The following CELSR2 variants were observed in gnomAD, a reference collection of about 807,000 sequenced individuals.
CELSR2 encodes cadherin EGF LAG seven-pass G-type receptor 2.
CELSR2 carries 81 observed loss-of-function variants against 251.6 expected under a neutral mutation model. That is an observed-to-expected ratio of 0.32 (90% CI 0.27 to 0.39). The LOEUF (loss-of-function observed/expected upper bound fraction) is 0.39. Among genes scored for constraint, CELSR2 ranks in the 10% least tolerant of loss-of-function variants. The pLI is 1.00. For missense variants in CELSR2, 3,365 were observed against 3,947.7 expected, an observed-to-expected ratio of 0.85 and a Z score of 3.96; for synonymous variants, 1,721 against 1,670.5, an observed-to-expected ratio of 1.03 and a Z score of -0.74.
Position 109,251,430 on chromosome 1 carries a change from G to T in CELSR2, c.1351G>T (p.Ala451Ser). ...TGCTCGGGGACAGTTTTATCTGGAT[G>T]CCCAGACTGGAGCTCTGGATGTGGT... ...GNARGQFYLD[A>S]QTGALDVVSP... Residue 451 changes from alanine (A) to serine (S), a missense_variant, in exon 1 of 34, where the codon GCC becomes TCC. Ala to Ser is a moderately conservative substitution (Grantham distance 99). This residue lies in a region of CELSR2 where 704 missense variants were observed against 784.1 expected (regional missense o/e 0.90). Coordinates refer to ENST00000271332, the MANE Select transcript of CELSR2 (RefSeq NM_001408.3). The surrounding 1 kb of genome is among the most constrained non-coding windows in gnomAD (Gnocchi z 4.9). 1 of 1,613,920 alleles carries T rather than the reference G, an allele frequency of 6.2e-7. No homozygotes were observed. The highest frequency in any genetic ancestry group is 8.5e-7 in the Non-Finnish European group (1 of 1,180,036).
At chr1:109,265,953 A>G in intron 14 of CELSR2, 35 bp downstream of exon 14, 1 of 1,600,752 alleles carries the variant, frequency 6.2e-7, no homozygotes, top group East Asian at 2.2e-5. Flanking sequence ...AGCCCTCCTT[A>G]CAGTGTGCTA....
In CELSR2 at chr1:109,272,877, C is replaced by T. The variant is rs1456639662; in HGVS notation, c.8188C>T (p.Gln2730Ter). The T allele has an allele frequency of 6.2e-7, 1 of 1,613,858 alleles. No homozygotes were observed. Among genetic ancestry groups the T allele is most frequent in the Non-Finnish European group, 8.5e-7 (1 of 1,179,976 alleles). Reference sequence around the variant, plus strand: ...CAGTGACCTGTCCTTAGAAGACGACCAGAGTGGCTCCTATGCCTCTACCCA... The same window carrying T: ...CAGTGACCTGTCCTTAGAAGACGACTAGAGTGGCTCCTATGCCTCTACCCA... ...SDSDLSLEDD[Q>*]SGSYASTHSS... The change falls in exon 31 of 34, where the codon CAG becomes TAG. Residue 2730 changes from glutamine to a stop codon, truncating the protein, a stop_gained. Coordinates refer to ENST00000271332, the MANE Select transcript of CELSR2 (RefSeq NM_001408.3). LOFTEE classifies it high-confidence loss of function.
rs916329209 is a variant in CELSR2, at chr1:109,263,967, G to A, written c.5002-111G>A. ...AAATAAATACGCTTTCCTCTCTATG[G>A]CCTCAGCTGGGCAGCGGGATGGGTT... On this transcript the variant is annotated intron_variant, in intron 9 of 33. Transcript: ENST00000271332. 12 of 1,437,546 alleles carry A rather than the reference G, an allele frequency of 8.3e-6. No individual in the cohort carries two copies. In the East Asian group the frequency reaches 2.8e-4, roughly 33 times the overall value. 89.0% of individuals were successfully genotyped at this position (1,437,546 alleles called of 1,614,324 possible).
chr1:109,267,516 T>C, intron 15 of CELSR2, 32 bp from the exon 16 acceptor site: 2 of 1,604,340 alleles, frequency 1.2e-6, no homozygotes, highest in Non-Finnish European at 1.7e-6. Context: ...TGTGTCTCCC[T>C]GAGGCCGGCC....
In CELSR2 at chr1:109,261,530, G is replaced by A. The variant is rs149106884; in HGVS notation, c.4199G>A (p.Arg1400His). ...TLALSFATKE[R>H]DGLLLYNGRF... is the part of the protein sequence containing the mutation. Reference sequence around the variant, plus strand: ...CTGTTCAGGTTTGCCACAAAGGAGCGCGACGGGTTGCTGTTGTACAATGGG... The same window carrying A: ...CTGTTCAGGTTTGCCACAAAGGAGCACGACGGGTTGCTGTTGTACAATGGG... The change falls in exon 4 of 34, where the codon CGC becomes CAC. Residue 1400 changes from arginine (R) to histidine (H), a missense_variant. Arg to His is a conservative substitution (Grantham distance 29). Transcript: ENST00000271332. The surrounding 1 kb of genome is among the most constrained non-coding windows in gnomAD (Gnocchi z 4.8). 138 of 1,614,166 alleles carry A rather than the reference G, an allele frequency of 8.5e-5. No homozygotes were observed. The African/African-American group carries it at 1.2e-3, about 14-fold the overall frequency.
Position 109,251,682 on chromosome 1 carries a change from G to A in CELSR2, c.1603G>A (p.Gly535Ser), listed in dbSNP as rs1655694508. The A allele has an allele frequency of 6.8e-6, 11 of 1,614,070 alleles. No individual in the cohort carries two copies. The highest frequency in any genetic ancestry group is 9.3e-6 in the Non-Finnish European group (11 of 1,180,022). The change falls in exon 1 of 34, where the codon GGT (glycine) becomes AGT (serine). Residue 535 changes from glycine to serine, a missense_variant. Gly to Ser is a moderately conservative substitution (Grantham distance 56, BLOSUM62 0). This residue lies in a region of CELSR2 where 704 missense variants were observed against 784.1 expected (regional missense o/e 0.90). Transcript: ENST00000271332. The surrounding 1 kb of genome is among the most constrained non-coding windows in gnomAD (Gnocchi z 4.9). The part of the protein sequence containing the change: ...LHVQAIDADA[G>S]DNARLEYRLA... Reference sequence around the variant, plus strand: ...TGTCCAGGCTATCGACGCTGATGCTGGTGACAATGCCCGCCTGGAATACCG... The same window carrying A: ...TGTCCAGGCTATCGACGCTGATGCTAGTGACAATGCCCGCCTGGAATACCG...
chr1:109,256,026 C>T (rs1241618456), intron 1 of CELSR2, among the ~76,000 whole-genome samples: 2 of 152,232 alleles, frequency 1.3e-5, no homozygotes, highest in African/African-American at 4.8e-5. Context: ...TGGTTGCCCC[C>T]TCTCCTCTCT....
Position 109,264,093 on chromosome 1 carries a change from G to A in CELSR2, c.5017G>A (p.Val1673Met), listed in dbSNP as rs1290982951. The A allele has an allele frequency of 7.6e-6, 12 of 1,583,396 alleles. No individual in the cohort carries two copies. The highest frequency in any genetic ancestry group is 2.3e-5 in the South Asian group (2 of 88,612). Residue 1673 changes from valine to methionine, a missense_variant, in exon 10 of 34, where the codon GTG becomes ATG. Physicochemically the swap from Val to Met is conservative, Grantham distance 21. Around this residue, in one of 5 missense-constraint regions of CELSR2, gnomAD observed 2,093 missense variants for 2,382.8 expected, o/e 0.88. Transcript: ENST00000271332. The part of the protein sequence containing the change: ...TITLQLREGH[V>M]MLSVEGTGLQ... ...CTGGTGTCAGCTACGAGAGGGCCAC[G>A]TGATGCTGAGCGTGGAGGGCACAGG... is the stretch of plus-strand genomic sequence containing the variant.
rs925322141 is a variant in CELSR2 at position 109,269,837 on chromosome 1, C to A, written c.7107+17C>A. 45 of 1,612,660 alleles carry A rather than the reference C, an allele frequency of 2.8e-5. No homozygotes were observed. The highest frequency in any genetic ancestry group is 3.6e-5 in the Non-Finnish European group (42 of 1,179,850). On this transcript the variant is annotated intron_variant, in intron 22 of 33. Coordinates refer to ENST00000271332, the MANE Select transcript of CELSR2 (RefSeq NM_001408.3). The surrounding 1 kb of genome is among the most constrained non-coding windows in gnomAD (Gnocchi z 6.4). The stretch of plus-strand genomic sequence containing the variant: ...CGGCGGGAGGTCGGGCCCACAGGGG[C>A]AGCTGCAGAGCCGTGGGTGGGCACC...
intron 2 of CELSR2, 118 bp from the exon 3 acceptor site, chr1:109,260,924 T>C: frequency 1.4e-6 from 1 of 703,978 alleles, no homozygotes; most frequent in Non-Finnish European, 2.4e-6. Context: ...CCTGGGAGGT[T>C]TGGGGAGTAT....
chr1:109,271,039 G>T lies in CELSR2; in HGVS notation c.7596G>T (p.Ser2532=). 1 of 1,611,866 alleles carries T rather than the reference G, an allele frequency of 6.2e-7. No individual in the cohort carries two copies. ...SFAGPVAFAV[S]MSVFLYILAA... ...CTGGCCCGGTGGCCTTTGCCGTCTC[G>T]GTGAGTGCTAGCAGGTGGGTTGGGT... The change falls in exon 25 of 34, where the codon TCG becomes TCT. Residue 2532 remains serine (S), a splice_region_variant and synonymous_variant. Transcript: ENST00000271332.
rs1219987387 is a variant in CELSR2 at position 109,263,524 on chromosome 1, C to CCCGTGCAG, written c.4835-83_4835-76dup. The CCCGTGCAG allele has an allele frequency of 1.2e-5, 18 of 1,537,924 alleles. No individual in the cohort carries two copies. The Admixed American group carries it at 2.0e-4, about 17-fold the overall frequency. On this transcript the variant is annotated intron_variant, in intron 8 of 33. Transcript: ENST00000271332. ...CTGATGAGGGGAGTGGGCTCTGCCTCCCGTGCAGCCGCCACCGCTGAGCAT... is the reference window on the plus strand; with the variant it reads ...CTGATGAGGGGAGTGGGCTCTGCCTCCCGTGCAGCCGTGCAGCCGCCACCGCTGAGCAT...
chr1:109,266,718 G>T (rs1656205568), intron 15 of CELSR2, among the ~76,000 whole-genome samples: 1 of 121,226 alleles, frequency 8.2e-6, no homozygotes, highest in Non-Finnish European at 1.7e-5. Context: ...ACCACATTTT[G>T]GACTTTTTTT....
Position 109,271,030 on chromosome 1 carries a change from T to C in CELSR2, c.7587T>C (p.Phe2529=). Residue 2529 remains phenylalanine (F), a synonymous_variant, in exon 25 of 34, where the codon TTT becomes TTC. Transcript: ENST00000271332. ...GGAGTTTTGCTGGCCCGGTGGCCTT[T>C]GCCGTCTCGGTGAGTGCTAGCAGGT... ...LIWSFAGPVA[F]AVSMSVFLYI... The C allele has an allele frequency of 6.2e-7, 1 of 1,613,400 alleles. No individual in the cohort carries two copies. The highest frequency in any genetic ancestry group is 8.5e-7 in the Non-Finnish European group (1 of 1,179,724).
In CELSR2 at chr1:109,251,113, G is replaced by A. The variant is rs773624411; in HGVS notation, c.1034G>A (p.Arg345His). Residue 345 changes from arginine (R) to histidine (H), a missense_variant, in exon 1 of 34, where the codon CGC becomes CAC. By Grantham distance (29) the Arg-to-His change is conservative (BLOSUM62 0). Coordinates refer to ENST00000271332, the MANE Select transcript of CELSR2 (RefSeq NM_001408.3). The surrounding 1 kb of genome is among the most constrained non-coding windows in gnomAD (Gnocchi z 4.9). Reference protein sequence around the residue: ...SPSEVFEIDPRSGVIRTRGPV... With the variant: ...SPSEVFEIDPHSGVIRTRGPV... The stretch of plus-strand genomic sequence containing the variant: ...TCTGAAGTCTTTGAGATCGACCCTC[G>A]CTCTGGGGTGATCCGAACCCGTGGC... The A allele has an allele frequency of 1.9e-5, 30 of 1,613,190 alleles. No homozygotes were observed. Among genetic ancestry groups the A allele is most frequent in the Non-Finnish European group, 2.5e-5 (29 of 1,179,890 alleles).
At chr1:109,256,511 A>G (rs1655852127) in intron 1 of CELSR2, among the ~76,000 whole-genome samples, 1 of 152,162 alleles carries the variant, frequency 6.6e-6, no homozygotes, top group Non-Finnish European at 1.5e-5. Flanking sequence ...AAGTAGGTAC[A>G]ACACAGATGC....
At chr1:109,262,475 G>A (rs1335247913) in intron 6 of CELSR2, 31 bp downstream of exon 6, 5 of 1,607,876 alleles carry the variant, frequency 3.1e-6, no homozygotes, top group East Asian at 2.2e-5. Context: ...GGGATGGGGT[G>A]AAGTGAGGGC....
In CELSR2 at chr1:109,264,110, G is replaced by C. The variant is rs1406110221; in HGVS notation, c.5034G>C (p.Glu1678Asp). 2 of 1,594,586 alleles carry C rather than the reference G, an allele frequency of 1.3e-6. No homozygotes were observed. Among genetic ancestry groups the C allele is most frequent in the Non-Finnish European group, 1.7e-6 (2 of 1,165,566 alleles). Residue 1678 changes from glutamate (E) to aspartate (D), a missense_variant, in exon 10 of 34, where the codon GAG becomes GAC. Physicochemically the swap from Glu to Asp is conservative, Grantham distance 45 (BLOSUM62 2). This residue lies in a region of CELSR2 where 2,093 missense variants were observed against 2,382.8 expected (regional missense o/e 0.88). Coordinates refer to ENST00000271332, the MANE Select transcript of CELSR2 (RefSeq NM_001408.3). ...AGGGCCACGTGATGCTGAGCGTGGAGGGCACAGGGCTTCAGGCCTCCTCTC... is the reference window on the plus strand; with the variant it reads ...AGGGCCACGTGATGCTGAGCGTGGACGGCACAGGGCTTCAGGCCTCCTCTC... ...LREGHVMLSV[E>D]GTGLQASSLR...
At chr1:109,267,743 CTG>C in intron 16 of CELSR2, 101 bp downstream of exon 16, 1 of 1,553,412 alleles carries the variant, frequency 6.4e-7, no homozygotes, top group Non-Finnish European at 8.7e-7. Flanking sequence ...GAATTCCAGC[CTG>C]TGTGTTCCTG....
Sources: gnomAD v4.1 joint callset for allele counts (sites outside exome capture counted in the v4.1 genomes callset) on GRCh38, gnomAD v4.1.1 for gene constraint, gnomAD v4.1.1 regional missense constraint, Gnocchi (gnomAD v3.1) non-coding constraint, MANE v1.5 for transcripts, NCBI Gene and HGNC (gene_info 2026-07-23, HGNC 2026-07-21) for gene names.